Variants in GRPEL2 observed in about 807,000 individuals in gnomAD.
The protein encoded by GRPEL2 is GrpE like 2, mitochondrial, also known as grpE protein homolog 2, mitochondrial.
GRPEL2 carries 18 observed loss-of-function variants against 25.9 expected under a neutral mutation model. That is an observed-to-expected ratio of 0.70 (90% confidence interval 0.48 to 1.03). The LOEUF (loss-of-function observed/expected upper bound fraction) is 1.03. Ranked by LOEUF, GRPEL2 falls within the 50% of genes least tolerant of loss-of-function variation. GRPEL2 has a pLI of 0.00. For missense variants in GRPEL2, 247 were observed against 276.2 expected (o/e 0.89, Z 0.75); for synonymous variants, 106 against 107.9 (o/e 0.98, Z 0.11).
At position 149,351,174 on chromosome 5, in the gene GRPEL2, G is replaced by A. The variant is rs749032498; in HGVS notation, c.570G>A (p.Val190=). The change falls in exon 4 of 4, where the codon GTG becomes GTA. Residue 190 remains valine, a synonymous_variant. Coordinates refer to ENST00000329271, the MANE Select transcript of GRPEL2 (RefSeq NM_152407.4). ...GTCATGTGCCAGCTGGTGTTGGGGTGCAGCCTGGCACCGTGGCATTAGTAA... is the reference window on the plus strand; with the variant it reads ...GTCATGTGCCAGCTGGTGTTGGGGTACAGCCTGGCACCGTGGCATTAGTAA... The part of the protein sequence containing the change: ...LICHVPAGVG[V]QPGTVALVRQ... 55 of 1,614,036 alleles carry A rather than the reference G, an allele frequency of 3.4e-5. No individual in the cohort carries two copies. Among genetic ancestry groups the A allele is most frequent in the Non-Finnish European group, 2.8e-5 (33 of 1,180,034 alleles).
chr5:149,348,996 T>A (rs914923841), intron 2 of GRPEL2, among the ~76,000 whole-genome samples: 1 of 138,352 alleles, frequency 7.2e-6, no homozygotes, highest in African/African-American at 2.8e-5. Flanking sequence ...GATGACATAC[T>A]TTTTTTTTTT....
In GRPEL2 at chr5:149,351,065, T is replaced by A; in HGVS notation, c.461T>A (p.Leu154Gln). 1 of 1,614,212 alleles carries A rather than the reference T, an allele frequency of 6.2e-7. No individual in the cohort carries two copies. Among genetic ancestry groups the A allele is most frequent in the Non-Finnish European group, 8.5e-7 (1 of 1,180,044 alleles). ...FRGLLLLEAK[L>Q]KSVFAKHGLE... ...GGGTTGTTGCTTTTAGAAGCAAAGCTGAAAAGTGTGTTTGCCAAGCATGGC... is the reference window on the plus strand; with the variant it reads ...GGGTTGTTGCTTTTAGAAGCAAAGCAGAAAAGTGTGTTTGCCAAGCATGGC... Residue 154 changes from leucine to glutamine, a missense_variant, in exon 4 of 4, where the codon CTG (leucine) becomes CAG (glutamine). Leu to Gln is a moderately radical substitution (Grantham distance 113). This residue lies in a region of GRPEL2 where 122 missense variants were observed against 169.2 expected (regional missense o/e 0.72). Coordinates refer to ENST00000329271, the MANE Select transcript of GRPEL2 (RefSeq NM_152407.4).
intron 1 of GRPEL2, 140 bp downstream of exon 1, chr5:149,345,756 A>T: frequency 1.5e-6 from 1 of 669,342 alleles, no homozygotes; most frequent in Non-Finnish European, 2.6e-6. Context: ...ACGACCGTGC[A>T]CTCACGGCCC....
In GRPEL2 at chr5:149,349,646, A is replaced by G. The variant is rs1757745091; in HGVS notation, c.232-8A>G. ...TCTCATCCTTTTGATTTTGCTTTTG[A>G]TATTCAGGTGAGATACCAGAGAGCT... On this transcript the variant is annotated splice_polypyrimidine_tract_variant and splice_region_variant and intron_variant, in intron 2 of 3. Coordinates refer to ENST00000329271, the MANE Select transcript of GRPEL2 (RefSeq NM_152407.4). 6.4e-7 allele frequency: 1 copy of G among 1,571,274 alleles called. No homozygotes were observed. The highest frequency in any genetic ancestry group is 2.3e-5 in the East Asian group (1 of 43,630).
At chr5:149,345,779 G>A (rs936862720) in intron 1 of GRPEL2, 163 bp downstream of exon 1, 1 of 629,268 alleles carries the variant, frequency 1.6e-6, no homozygotes, top group South Asian at 2.0e-5. Flanking sequence ...TTTTACAGAC[G>A]GGGAAACTGA....
chr5:149,349,669 G>A lies in GRPEL2; in HGVS notation c.247G>A (p.Ala83Thr). 4 of 1,612,330 alleles carry A rather than the reference G, an allele frequency of 2.5e-6. No individual in the cohort carries two copies. Among genetic ancestry groups the A allele is most frequent in the Admixed American group, 1.7e-5 (1 of 59,882 alleles). Residue 83 changes from alanine to threonine, a missense_variant, in exon 3 of 4, where the codon GCT becomes ACT. Physicochemically the swap from Ala to Thr is moderately conservative, Grantham distance 58. This residue lies in a region of GRPEL2 where 125 missense variants were observed against 107.0 expected (regional missense o/e 1.17). Coordinates refer to ENST00000329271, the MANE Select transcript of GRPEL2 (RefSeq NM_152407.4). ...TGATATTCAGGTGAGATACCAGAGA[G>A]CTATAGCTGATTGTGAAAACATAAG... ...VQDLTVRYQR[A>T]IADCENIRRR...
chr5:149,348,045 G>A (rs1007327374), intron 1 of GRPEL2: 3 of 420,000 alleles, frequency 7.1e-6, no homozygotes, highest in Non-Finnish European at 1.3e-5. Context: ...TGTAAAATAG[G>A]GATAATGATA....
intron 1 of GRPEL2, 154 bp from the exon 2 acceptor site, chr5:149,348,118 A>C: frequency 1.6e-6 from 1 of 606,328 alleles, no homozygotes; most frequent in Non-Finnish European, 2.9e-6. Context: ...TGTCTGGTAC[A>C]TGGTAAGGAC....
rs751334126 is a variant in GRPEL2 at position 149,351,131 on chromosome 5, A to G, written c.527A>G (p.His176Arg). The change falls in exon 4 of 4, where the codon CAT becomes CGT. Residue 176 changes from histidine to arginine, a missense_variant. This residue lies in a region of GRPEL2 where 122 missense variants were observed against 169.2 expected (regional missense o/e 0.72). Coordinates refer to ENST00000329271, the MANE Select transcript of GRPEL2 (RefSeq NM_152407.4). ...LTPIGDKYDP[H>R]EHELICHVPA... ...CCCATTGGTGACAAATATGACCCCC[A>G]TGAGCATGAACTCATCTGTCATGTG... 2.5e-6 allele frequency: 4 copies of G among 1,614,062 alleles called. No individual in the cohort carries two copies. The highest frequency in any genetic ancestry group is 1.7e-5 in the Admixed American group (1 of 60,000).
chr5:149,348,269 T>G lies in GRPEL2; in HGVS notation c.78-3T>G. On this transcript the variant is annotated splice_polypyrimidine_tract_variant and splice_region_variant and intron_variant, in intron 1 of 3. Coordinates refer to ENST00000329271, the MANE Select transcript of GRPEL2 (RefSeq NM_152407.4). Reference sequence around the variant, plus strand: ...ATTATGTGCCACCTCCTTCCTGTTTTAGGGGATGGCCGCTTCCATTCAGCA... The same window carrying G: ...ATTATGTGCCACCTCCTTCCTGTTTGAGGGGATGGCCGCTTCCATTCAGCA... 6.3e-7 allele frequency: 1 copy of G among 1,589,362 alleles called. No individual in the cohort carries two copies. Among genetic ancestry groups the G allele is most frequent in the Non-Finnish European group, 8.5e-7 (1 of 1,173,572 alleles).
intron 3 of GRPEL2, 41 bp from the exon 4 acceptor site, chr5:149,350,877 G>T: frequency 6.2e-7 from 1 of 1,601,280 alleles, no homozygotes; most frequent in South Asian, 1.1e-5. Context: ...CGGGCAGAGT[G>T]ATTTCCTCAC....
Position 149,351,231 on chromosome 5 carries a change from C to T in GRPEL2, c.627C>T (p.Thr209=). ...ATGGCTACAAACTTCATGGCCGCAC[C>T]ATTAGGCTTGCCCGAGTGGAAGTGG... is the stretch of plus-strand genomic sequence containing the variant. ...RQDGYKLHGR[T]IRLARVEVAV... The change falls in exon 4 of 4, where the codon ACC becomes ACT. Residue 209 remains threonine, a synonymous_variant. Coordinates refer to ENST00000329271, the MANE Select transcript of GRPEL2 (RefSeq NM_152407.4). 6.2e-7 allele frequency: 1 copy of T among 1,613,386 alleles called. No homozygotes were observed. The highest frequency in any genetic ancestry group is 8.5e-7 in the Non-Finnish European group (1 of 1,179,366).
At position 149,351,829 on chromosome 5, in the gene GRPEL2, T is replaced by TATGCTCAC. The variant is rs1486361981; in HGVS notation, c.*550_*557dup. On this transcript the variant is annotated 3_prime_UTR_variant, in exon 4 of 4. Coordinates refer to ENST00000329271, the MANE Select transcript of GRPEL2 (RefSeq NM_152407.4). ...CTTGTAATCCCAACTAGATAGGCTT[T>TATGCTCAC]ATGCTCACATCATTGTCCCATACCC... 6.5e-6 allele frequency: 1 copy of TATGCTCAC among 154,660 alleles called. No homozygotes were observed. Among genetic ancestry groups the TATGCTCAC allele is most frequent in the African/African-American group, 2.4e-5 (1 of 41,454 alleles). 9.6% of individuals were successfully genotyped at this position (154,660 alleles called of 1,614,324 possible).
At position 149,348,412 on chromosome 5, in the gene GRPEL2, T is replaced by C; in HGVS notation, c.218T>C (p.Val73Ala). 6.2e-7 allele frequency: 1 copy of C among 1,606,280 alleles called. No homozygotes were observed. ...AAAGCTGTTAAACTGGAGAAAGAAG[T>C]CCAAGATTTAACAGTGAGTCAATTT... is the stretch of plus-strand genomic sequence containing the variant. ...RVKAVKLEKE[V>A]QDLTVRYQRA... Residue 73 changes from valine to alanine, a missense_variant, in exon 2 of 4, where the codon GTC (valine) becomes GCC (alanine). Val to Ala is a moderately conservative substitution (Grantham distance 64, BLOSUM62 0). Around this residue, in one of 2 missense-constraint regions of GRPEL2, gnomAD observed 125 missense variants for 107.0 expected, o/e 1.17. Coordinates refer to ENST00000329271, the MANE Select transcript of GRPEL2 (RefSeq NM_152407.4).
At chr5:149,347,683 CTTAT>C (rs1047356644) in intron 1 of GRPEL2, among the ~76,000 whole-genome samples, 1 of 152,158 alleles carries the variant, frequency 6.6e-6, no homozygotes, top group Non-Finnish European at 1.5e-5. Flanking sequence ...TTGACTTGAT[CTTAT>C]TTATAGGTGG....
Position 149,345,605 on chromosome 5 carries a change from G to A in GRPEL2, c.66G>A (p.Ala22=). Residue 22 remains alanine, a synonymous_variant, in exon 1 of 4, where the codon GCG becomes GCA. Transcript: ENST00000329271. ...RVQRLLAWSA[A]WESKGWPLPF... ...AGCGCCTACTGGCCTGGAGTGCCGC[G>A]TGGGAGAGCAAGTAAGCATTGCAGG... The A allele has an allele frequency of 1.2e-6, 2 of 1,610,380 alleles. No homozygotes were observed. Among genetic ancestry groups the A allele is most frequent in the Non-Finnish European group, 1.7e-6 (2 of 1,178,704 alleles).
At chr5:149,349,805 T>C (rs1757748556) in intron 3 of GRPEL2, 70 bp downstream of exon 3, 6 of 1,106,088 alleles carry the variant, frequency 5.4e-6, no homozygotes, top group Non-Finnish European at 6.9e-6. Flanking sequence ...ATCCCAGCAC[T>C]TTGAGAGTCT....
At chr5:149,345,729 C>A in intron 1 of GRPEL2, 113 bp downstream of exon 1, 1 of 860,092 alleles carries the variant, frequency 1.2e-6, no homozygotes, top group Non-Finnish European at 1.8e-6. Context: ...GCCAGGGGAC[C>A]AAGCTTCTCG....
In GRPEL2 at chr5:149,348,327, C is replaced by T. The variant is rs561791994; in HGVS notation, c.133C>T (p.Arg45Cys). Reference protein sequence around the residue: ...ATQRTAGEDCRSEDPPDELGP... With the variant: ...ATQRTAGEDCCSEDPPDELGP... ...CCAGAGAACTGCTGGTGAGGACTGC[C>T]GTTCTGAGGACCCTCCTGATGAGCT... Residue 45 changes from arginine (R) to cysteine (C), a missense_variant, in exon 2 of 4, where the codon CGT (arginine) becomes TGT (cysteine). Physicochemically the swap from Arg to Cys is radical, Grantham distance 180 (BLOSUM62 -3). Around this residue, in one of 2 missense-constraint regions of GRPEL2, gnomAD observed 125 missense variants for 107.0 expected, o/e 1.17. Coordinates refer to ENST00000329271, the MANE Select transcript of GRPEL2 (RefSeq NM_152407.4). The T allele has an allele frequency of 8.1e-6, 13 of 1,612,970 alleles. No individual in the cohort carries two copies. In the Admixed American group the frequency reaches 8.3e-5, roughly 10 times the overall value.
Sources: allele counts gnomAD v4.1 joint callset (sites outside exome capture counted in the v4.1 genomes callset), GRCh38; gene constraint gnomAD v4.1.1; regional missense constraint gnomAD v4.1.1; transcripts MANE v1.5; gene names NCBI Gene and HGNC (gene_info 2026-07-23, HGNC 2026-07-21).